The following PLEKHG1 variants were observed in gnomAD, a reference collection of about 807,000 sequenced individuals.
PLEKHG1 encodes the protein pleckstrin homology domain-containing family G member 1.
PLEKHG1 carries 44 observed loss-of-function variants against 100.8 expected under a neutral mutation model. The ratio of observed to expected loss-of-function variants is 0.44; its 90% CI spans 0.34 to 0.56. The LOEUF (loss-of-function observed/expected upper bound fraction) is 0.56, where lower values mean the gene tolerates loss of function less well. PLEKHG1 is among the 20% of genes least tolerant of loss of function. The pLI is 0.01. For synonymous variants in PLEKHG1, 640 were observed against 662.5 expected, an observed-to-expected ratio of 0.97 and a Z score of 0.52; for missense variants, 1,545 against 1,720.9, an observed-to-expected ratio of 0.90 and a Z score of 1.81.
At chr6:150,643,371 A>C (rs1778353444) in intron 2 of PLEKHG1, among the ~76,000 whole-genome samples, 1 of 152,176 alleles carries the variant, frequency 6.6e-6, no homozygotes. Context: ...AACACATCTT[A>C]ATAATGTAGT....
At chr6:150,721,394 A>G (rs1781666739) in intron 1 of PLEKHG1, among the ~76,000 whole-genome samples, 1 of 88,738 alleles carries the variant, frequency 1.1e-5, no homozygotes. Context: ...GAAGTCTGGA[A>G]GATGATTTTT....
upstream of PLEKHG1, among the ~76,000 whole-genome samples, chr6:150,717,827 G>A (rs1781499913): frequency 6.6e-6 from 1 of 152,216 alleles, no homozygotes. Context: ...TGTAATCCCA[G>A]CACTTTGGGA....
chr6:150,840,119 C>T lies in PLEKHG1; in HGVS notation c.3381C>T (p.Cys1127=), dbSNP rs746094211. ...CTCCCAGGCAATTGTCCGCAGCTTG[C>T]TCTGTGCCTTCTCTTCAAACCTCTG... Residue 1127 remains cysteine, a synonymous_variant, in exon 16 of 16, where the codon TGC becomes TGT. Transcript: ENST00000358517. 38 of 1,614,122 alleles carry T rather than the reference C, an allele frequency of 2.4e-5. No homozygotes were observed. In the Middle Eastern group the frequency reaches 4.9e-4, roughly 21 times the overall value.
chr6:150,662,404 C>T (rs985345643), intron 3 of PLEKHG1: 1 of 152,182 alleles, frequency 6.6e-6, no homozygotes, highest in African/African-American at 2.4e-5. Context: ...CAAGCTCCAT[C>T]TTCTGTTTTT....
chr6:150,644,933 A>T (rs1778428735), intron 2 of PLEKHG1, among the ~76,000 whole-genome samples: 1 of 152,044 alleles, frequency 6.6e-6, no homozygotes, highest in Non-Finnish European at 1.5e-5. Flanking sequence ...ATTTTCTCAT[A>T]TGTAGATCTA....
chr6:150,616,521 TCTC>T (rs1777078668), intron 1 of PLEKHG1, among the ~76,000 whole-genome samples: 1 of 152,166 alleles, frequency 6.6e-6, no homozygotes, highest in Admixed American at 6.5e-5. Context: ...TGAGGTGTCT[TCTC>T]TAGAGAAAAA....
intron 1 of PLEKHG1, among the ~76,000 whole-genome samples, chr6:150,617,414 TA>T (rs748239775): frequency 1.3e-5 from 2 of 152,266 alleles, no homozygotes; most frequent in African/African-American, 2.4e-5. Flanking sequence ...TAGTGAAATT[TA>T]AAAGTAAATT....
At chr6:150,723,868 G>A (rs774628726) in intron 1 of PLEKHG1, among the ~76,000 whole-genome samples, 7 of 152,182 alleles carry the variant, frequency 4.6e-5, no homozygotes, top group African/African-American at 9.7e-5. Context: ...CTTGGGGACC[G>A]TCATAAAATT....
chr6:150,804,203 T>TTTTTTTTC (rs1786903775), intron 6 of PLEKHG1, among the ~76,000 whole-genome samples: 1 of 96,470 alleles, frequency 1.0e-5, no homozygotes, highest in African/African-American at 5.1e-5. Context: ...TTTTTTTTTT[T>TTTTTTTTC]CGAGGCAGAG....
intron 1 of PLEKHG1, among the ~76,000 whole-genome samples, chr6:150,722,349 CTTTTTTTTTTTTTTTTTTTTTT>C (rs1781734278): frequency 1.1e-5 from 1 of 90,680 alleles, no homozygotes; most frequent in Non-Finnish European, 2.1e-5. Context: ...TTTTTCTTTT[CTTTTTTTTTTTTTTTTTTTTTT>C]GAGACTGAGT....
chr6:150,804,175 A>ATATATATATATATATATATATATTT, intron 6 of PLEKHG1, among the ~76,000 whole-genome samples: 1 of 43,174 alleles, frequency 2.3e-5, no homozygotes, highest in South Asian at 1.1e-3. Flanking sequence ...ATATATATAT[A>ATATATATATATATATATATATATTT]TTTTTTTTTT....
At chr6:150,824,965 G>A (rs1453127149) in intron 14 of PLEKHG1, among the ~76,000 whole-genome samples, 1 of 152,056 alleles carries the variant, frequency 6.6e-6, no homozygotes, top group African/African-American at 2.4e-5. Context: ...ATAAGGTTTT[G>A]GTTTCATAAG....
At chr6:150,797,633 GAGA>G (rs1786426363) in intron 5 of PLEKHG1, among the ~76,000 whole-genome samples, 1 of 151,810 alleles carries the variant, frequency 6.6e-6, no homozygotes, top group African/African-American at 2.4e-5. Flanking sequence ...TCAGGAGTTT[GAGA>G]CCAACCCGGG....
intron 3 of PLEKHG1, among the ~76,000 whole-genome samples, chr6:150,656,715 T>C (rs1391947167): frequency 6.6e-6 from 1 of 152,226 alleles, no homozygotes; most frequent in East Asian, 1.9e-4. Flanking sequence ...GAAGATAGTT[T>C]GGTAAATGCA....
At chr6:150,623,310 G>A (rs62434095) in intron 1 of PLEKHG1, among the ~76,000 whole-genome samples, 11,430 of 152,274 alleles carry the variant, frequency 0.075, 539 homozygotes, top group Non-Finnish European at 0.1. Flanking sequence ...ACTTGACCTG[G>A]TTTTGTGAGA....
intron 7 of PLEKHG1, 107 bp downstream of exon 8, chr6:150,804,848 T>C: frequency 2.1e-6 from 2 of 962,394 alleles, no homozygotes; most frequent in South Asian, 3.6e-5. Context: ...ACTCATCATC[T>C]TCAGTGTAGT....
chr6:150,718,476 T>C (rs1781525112), upstream of PLEKHG1, among the ~76,000 whole-genome samples: 2 of 149,972 alleles, frequency 1.3e-5, no homozygotes, highest in African/African-American at 4.9e-5. Flanking sequence ...TTACTTTTTT[T>C]TTTTTTTTTT....
chr6:150,729,825 A>C (rs1247156735), intron 1 of PLEKHG1, among the ~76,000 whole-genome samples: 5 of 152,110 alleles, frequency 3.3e-5, no homozygotes, highest in Non-Finnish European at 5.9e-5. Flanking sequence ...CTTTCCCCGC[A>C]GCGGTGCCCC....
intron 2 of PLEKHG1, among the ~76,000 whole-genome samples, chr6:150,759,468 G>C (rs1013103311): frequency 3.9e-5 from 6 of 152,084 alleles, no homozygotes; most frequent in African/African-American, 1.4e-4. Flanking sequence ...CTGTGTTAAG[G>C]TATAAAACCT....
Sources: allele counts gnomAD v4.1 joint callset (sites outside exome capture counted in the v4.1 genomes callset), GRCh38; gene constraint gnomAD v4.1.1; transcripts MANE v1.5; gene names NCBI Gene and HGNC (gene_info 2026-07-23, HGNC 2026-07-21).